UBTD2: variants seen among roughly 807,000 people sequenced by gnomAD.
UBTD2 encodes the protein ubiquitin domain containing 2.
UBTD2 carries 9 observed loss-of-function variants against 19.8 expected under a neutral mutation model. The ratio of observed to expected loss-of-function variants is 0.46; its 90% CI spans 0.27 to 0.79. UBTD2 has a LOEUF of 0.79. Among genes scored for constraint, UBTD2 ranks in the 30% least tolerant of loss-of-function variants. UBTD2 has a pLI of 0.14. For missense variants in UBTD2, 250 were observed against 300.4 expected (o/e 0.83, Z 1.24); for synonymous variants, 98 against 103.9 (o/e 0.94, Z 0.35).
chr5:172,242,408 G>A (rs1467028506), intron 1 of UBTD2: 1 of 985,104 alleles, frequency 1.0e-6, no homozygotes, highest in Non-Finnish European at 1.2e-6. Context: ...TCCAATCAAG[G>A]CTTATGTGTT....
intron 1 of UBTD2, among the ~76,000 whole-genome samples, chr5:172,277,277 T>C (rs779154220): frequency 1.3e-5 from 2 of 152,144 alleles, no homozygotes; most frequent in Non-Finnish European, 2.9e-5. Context: ...AAAGCAAATG[T>C]TAGCTGTGAG....
intron 1 of UBTD2, among the ~76,000 whole-genome samples, chr5:172,243,861 TA>T (rs1486973244): frequency 6.6e-6 from 1 of 152,086 alleles, no homozygotes; most frequent in African/African-American, 2.4e-5. Flanking sequence ...GCCACCCAGA[TA>T]ATGGAATTCT....
At chr5:172,266,595 T>G (rs527652504) in intron 1 of UBTD2, among the ~76,000 whole-genome samples, 1 of 152,342 alleles carries the variant, frequency 6.6e-6, no homozygotes, top group South Asian at 2.1e-4. Context: ...TGTAATATTT[T>G]ATGCCCAAGA....
At chr5:172,283,857 A>T (rs943209585), upstream of UBTD2, 21 of 197,528 alleles carry the variant, frequency 1.1e-4, no homozygotes, top group Non-Finnish European at 1.8e-4. This position sits in a 1 kb window ranked among gnomAD's most constrained non-coding sequence, Gnocchi z 4.3. Flanking sequence ...CTCCGCGCCC[A>T]CTTCTACCTC....
intron 2 of UBTD2, among the ~76,000 whole-genome samples, chr5:172,227,931 G>A (rs932495988): frequency 7.2e-5 from 11 of 151,780 alleles, no homozygotes; most frequent in Non-Finnish European, 1.3e-4. Context: ...CACCCACCTC[G>A]GCCTCCCAAA....
chr5:172,241,034 G>A (rs986705753), intron 1 of UBTD2, among the ~76,000 whole-genome samples: 2 of 150,710 alleles, frequency 1.3e-5, no homozygotes, highest in Admixed American at 6.7e-5. Flanking sequence ...TGGGGGCAAT[G>A]GCTTTACCAT....
intron 1 of UBTD2, among the ~76,000 whole-genome samples, chr5:172,279,499 G>C (rs925179229): frequency 6.6e-6 from 1 of 152,192 alleles, no homozygotes. Context: ...CTAAAGGAAT[G>C]AATGTCCAGC....
chr5:172,211,799 G>A lies in UBTD2; in HGVS notation c.*31C>T. On this transcript the variant is annotated 3_prime_UTR_variant, in exon 3 of 3. Transcript: ENST00000393792. ...AACAAGAACCATAAAAAGGAGCAGAGGGATGTGGGAGCTGGCCAACAGGGC... is the reference window on the plus strand; with the variant it reads ...AACAAGAACCATAAAAAGGAGCAGAAGGATGTGGGAGCTGGCCAACAGGGC... 1 of 1,554,864 alleles carries A rather than the reference G, an allele frequency of 6.4e-7. No individual in the cohort carries two copies. Among genetic ancestry groups the A allele is most frequent in the Non-Finnish European group, 8.7e-7 (1 of 1,150,230 alleles).
At chr5:172,231,607 G>C (rs1410984125) in intron 2 of UBTD2, among the ~76,000 whole-genome samples, 1 of 152,060 alleles carries the variant, frequency 6.6e-6, no homozygotes, top group African/African-American at 2.4e-5. Flanking sequence ...TTTTAAACAA[G>C]GCTACAATAT....
chr5:172,251,314 C>CAAAAAAAAAAAAAAGAAAAAAA (rs57577423), intron 1 of UBTD2, among the ~76,000 whole-genome samples: 74 of 118,192 alleles, frequency 6.3e-4, no homozygotes, highest in African/African-American at 2.2e-3. Flanking sequence ...GAGCCTATCT[C>CAAAAAAAAAAAAAAGAAAAAAA]AAAAAAAAAA....
intron 1 of UBTD2, among the ~76,000 whole-genome samples, chr5:172,276,375 T>C (rs1237489647): frequency 6.6e-6 from 1 of 152,242 alleles, no homozygotes; most frequent in African/African-American, 2.4e-5. Flanking sequence ...CTCCATCATT[T>C]TCTCTCACAC....
intron 2 of UBTD2, among the ~76,000 whole-genome samples, chr5:172,213,676 G>T (rs767681930): frequency 6.6e-6 from 1 of 152,182 alleles, no homozygotes; most frequent in Admixed American, 6.5e-5. Flanking sequence ...CAAAACTCCT[G>T]GGCTCAAGCA....
chr5:172,252,340 C>T (rs1017619077), intron 1 of UBTD2: 5 of 152,088 alleles, frequency 3.3e-5, no homozygotes, highest in Non-Finnish European at 7.3e-5. Context: ...CCCTCTGTGT[C>T]CCAGTGCTTG....
intron 1 of UBTD2, among the ~76,000 whole-genome samples, chr5:172,267,907 G>A (rs545158573): frequency 6.6e-6 from 1 of 152,100 alleles, no homozygotes; most frequent in African/African-American, 2.4e-5. Context: ...AAGATGAGTG[G>A]AACACTCAAG....
chr5:172,235,535 G>A (rs1771990931), intron 1 of UBTD2, among the ~76,000 whole-genome samples: 1 of 130,458 alleles, frequency 7.7e-6, no homozygotes, highest in Non-Finnish European at 1.7e-5. Context: ...GATTAGCTCC[G>A]AACCACAAGG....
At chr5:172,260,801 T>C (rs946599132) in intron 1 of UBTD2, among the ~76,000 whole-genome samples, 37 of 152,204 alleles carry the variant, frequency 2.4e-4, no homozygotes, top group African/African-American at 8.9e-4. Context: ...TGTTATATGT[T>C]GTGGCACATC....
chr5:172,252,658 GTTTCCTC>G (rs1755048225), intron 1 of UBTD2, among the ~76,000 whole-genome samples: 5 of 152,116 alleles, frequency 3.3e-5, no homozygotes, highest in African/African-American at 9.7e-5. Flanking sequence ...TCTATCTGAA[GTTTCCTC>G]TGCTTGAGAA....
At chr5:172,254,248 CG>C (rs1561861062) in intron 1 of UBTD2, among the ~76,000 whole-genome samples, 5 of 152,064 alleles carry the variant, frequency 3.3e-5, no homozygotes, top group Non-Finnish European at 7.4e-5. Context: ...TACAGGTATC[CG>C]CCACCACGCC....
intron 1 of UBTD2, among the ~76,000 whole-genome samples, chr5:172,271,156 C>T (rs938511271): frequency 3.9e-5 from 6 of 151,996 alleles, no homozygotes; most frequent in South Asian, 4.2e-4. Context: ...TTGGGCTGGG[C>T]GCAGTGGCTC....
Sources: allele counts gnomAD v4.1 joint callset (sites outside exome capture counted in the v4.1 genomes callset), GRCh38; gene constraint gnomAD v4.1.1; non-coding constraint Gnocchi (gnomAD v3.1); transcripts MANE v1.5; gene names NCBI Gene and HGNC (gene_info 2026-07-23, HGNC 2026-07-21).